Variants in PCED1B observed in about 807,000 individuals in gnomAD.
The protein encoded by PCED1B is PC-esterase domain-containing protein 1B.
For missense variants in PCED1B, 573 were observed against 573.9 expected, an observed-to-expected ratio of 1.00 and a Z score of 0.02; for synonymous variants, 251 against 246.1, an observed-to-expected ratio of 1.02 and a Z score of -0.19.
rs1390155299 is a variant in PCED1B, at chr12:47,235,766, C to T, written c.703C>T (p.Arg235Cys). 1 of 1,591,846 alleles carries T rather than the reference C, an allele frequency of 6.3e-7. No individual in the cohort carries two copies. The highest frequency in any genetic ancestry group is 1.8e-5 in the Admixed American group (1 of 56,292). The change falls in exon 4 of 4, where the codon CGT becomes TGT. Residue 235 changes from arginine to cysteine, a missense_variant. Physicochemically the swap from Arg to Cys is radical, Grantham distance 180. Transcript: ENST00000546455. The stretch of plus-strand genomic sequence containing the variant: ...CTGGGACGGGGTGCACTGGAATGGA[C>T]GTGTGCACCGCTGCCTCTCCCAGCT... ...LHWDGVHWNG[R>C]VHRCLSQLLL...
intron 3 of PCED1B, among the ~76,000 whole-genome samples, chr12:47,226,782 A>C (rs959137901): frequency 1.3e-5 from 2 of 152,238 alleles, no homozygotes; most frequent in East Asian, 1.9e-4. Flanking sequence ...AAAATGAATA[A>C]GTGTACTTAT....
chr12:47,145,552 C>A (rs59727019), intron 2 of PCED1B, among the ~76,000 whole-genome samples: 9,855 of 152,162 alleles, frequency 0.065, 546 homozygotes, highest in African/African-American at 0.14. Context: ...TTTTAGGTAC[C>A]GATGCAACTG....
intron 1 of PCED1B, among the ~76,000 whole-genome samples, chr12:47,098,585 C>G (rs1365879155): frequency 6.6e-6 from 1 of 152,196 alleles, no homozygotes; most frequent in East Asian, 1.9e-4. Context: ...CGGGTTCACC[C>G]CATTCTCCTG....
intron 2 of PCED1B, among the ~76,000 whole-genome samples, chr12:47,196,592 C>A (rs1450577953): frequency 2.6e-5 from 4 of 152,160 alleles, no homozygotes; most frequent in Admixed American, 1.3e-4. Context: ...CTTTGGGAGG[C>A]CGAGGCAGGC....
At chr12:47,193,025 GCA>G (rs1942494447) in intron 2 of PCED1B, among the ~76,000 whole-genome samples, 1 of 152,114 alleles carries the variant, frequency 6.6e-6, no homozygotes, top group Non-Finnish European at 1.5e-5. Context: ...AATGCTTTAT[GCA>G]CACAGATATT....
chr12:47,205,133 G>A (rs1349093043), intron 2 of PCED1B, among the ~76,000 whole-genome samples: 1 of 152,126 alleles, frequency 6.6e-6, no homozygotes. Context: ...ATAATTTGAT[G>A]GGTAGGGGGT....
chr12:47,153,404 T>C (rs1239296439), intron 2 of PCED1B, among the ~76,000 whole-genome samples: 1 of 150,676 alleles, frequency 6.6e-6, no homozygotes, highest in African/African-American at 2.4e-5. Flanking sequence ...GAAATTCAAG[T>C]TGTACTGAAT....
At chr12:47,079,774 C>A (rs1315743099) in intron 1 of PCED1B, 49 bp downstream of exon 1, 19 of 150,394 alleles carry the variant, frequency 1.3e-4, no homozygotes, top group Non-Finnish European at 4.4e-5. Flanking sequence ...CGGGGCGCCC[C>A]GCTCCCAGAG....
chr12:47,099,516 C>G (rs1161914700), intron 1 of PCED1B, among the ~76,000 whole-genome samples: 1 of 152,196 alleles, frequency 6.6e-6, no homozygotes, highest in East Asian at 1.9e-4. Flanking sequence ...AATACATGTT[C>G]TACATATAAT....
intron 2 of PCED1B, among the ~76,000 whole-genome samples, chr12:47,191,314 A>G (rs551481515): frequency 9.9e-5 from 15 of 152,256 alleles, no homozygotes; most frequent in African/African-American, 3.6e-4. Flanking sequence ...TCACTCCTTT[A>G]TCTTCTGCCA....
At chr12:47,133,501 T>A (rs1269296611) in intron 2 of PCED1B, among the ~76,000 whole-genome samples, 3 of 152,156 alleles carry the variant, frequency 2.0e-5, no homozygotes, top group Non-Finnish European at 4.4e-5. Flanking sequence ...GGGTACATCA[T>A]GCCCGTGAGA....
At chr12:47,229,015 C>T (rs1943717879) in intron 3 of PCED1B, among the ~76,000 whole-genome samples, 1 of 152,000 alleles carries the variant, frequency 6.6e-6, no homozygotes, top group Admixed American at 6.6e-5. Flanking sequence ...CCCTGACAAA[C>T]AAGCAGAACA....
At chr12:47,185,511 C>T (rs532741604) in intron 2 of PCED1B, among the ~76,000 whole-genome samples, 48 of 152,256 alleles carry the variant, frequency 3.2e-4, no homozygotes, top group African/African-American at 9.9e-4. Context: ...TAGAGTGGCC[C>T]GGCACGGTGG....
intron 2 of PCED1B, among the ~76,000 whole-genome samples, chr12:47,167,486 GGT>G (rs1184654823): frequency 6.6e-6 from 1 of 152,064 alleles, no homozygotes; most frequent in Non-Finnish European, 1.5e-5. Flanking sequence ...AGAAATGTGA[GGT>G]GTGTTTCACC....
At chr12:47,205,051 A>G (rs1942872836) in intron 2 of PCED1B, among the ~76,000 whole-genome samples, 1 of 152,210 alleles carries the variant, frequency 6.6e-6, no homozygotes, top group Non-Finnish European at 1.5e-5. Context: ...GCAGAGCCAC[A>G]GTATGGGAGA....
chr12:47,115,691 A>T (rs575749561), intron 2 of PCED1B, among the ~76,000 whole-genome samples: 1 of 152,302 alleles, frequency 6.6e-6, no homozygotes, highest in South Asian at 2.1e-4. Flanking sequence ...TTCTGTGTTC[A>T]CCTAATGTAC....
intron 2 of PCED1B, among the ~76,000 whole-genome samples, chr12:47,149,411 A>G (rs1228824253): frequency 6.6e-6 from 1 of 152,178 alleles, no homozygotes; most frequent in Non-Finnish European, 1.5e-5. Context: ...ACTTTCTGCT[A>G]CCTGTTATTA....
chr12:47,214,158 A>G (rs913925897), intron 2 of PCED1B, among the ~76,000 whole-genome samples: 2 of 152,222 alleles, frequency 1.3e-5, no homozygotes, highest in Non-Finnish European at 2.9e-5. Flanking sequence ...TAATGACTGT[A>G]CTAAAACTCA....
At chr12:47,120,665 G>C (rs1939637961) in intron 2 of PCED1B, among the ~76,000 whole-genome samples, 1 of 152,070 alleles carries the variant, frequency 6.6e-6, no homozygotes, top group Admixed American at 6.5e-5. Flanking sequence ...AGCTAGGCAT[G>C]GTGGTCAGTA....
Sources: allele counts gnomAD v4.1 joint callset (sites outside exome capture counted in the v4.1 genomes callset), GRCh38; gene constraint gnomAD v4.1.1; transcripts MANE v1.5; gene names NCBI Gene and HGNC (gene_info 2026-07-23, HGNC 2026-07-21).